RAPGEF4: variants seen among roughly 807,000 people sequenced by gnomAD.
The protein encoded by RAPGEF4 is RAP guanine-nucleotide-exchange factor (GEF) 4.
In RAPGEF4, 66 loss-of-function variants were observed where a neutral mutation model predicts 147.9. The ratio of observed to expected loss-of-function variants is 0.45; its 90% CI spans 0.37 to 0.55. The LOEUF is 0.55. RAPGEF4 is among the 20% of genes least tolerant of loss of function. RAPGEF4 has a pLI of 0.00. For synonymous variants in RAPGEF4, 419 were observed against 442.7 expected, an observed-to-expected ratio of 0.95 and a Z score of 0.67; for missense variants, 1,071 against 1,257.3, an observed-to-expected ratio of 0.85 and a Z score of 2.24.
In RAPGEF4 at chr2:172,968,334, T is replaced by C. The variant is rs148695226; in HGVS notation, c.1004+890T>C. On this transcript the variant is annotated intron_variant, in intron 10 of 30. Coordinates refer to ENST00000397081, the MANE Select transcript of RAPGEF4 (RefSeq NM_007023.4). Reference sequence around the variant, plus strand: ...TTGGCCGACCTTGGTGTATTAGTCTTGTATTAGACAAGGGCATTACATGTT... The same window carrying C: ...TTGGCCGACCTTGGTGTATTAGTCTCGTATTAGACAAGGGCATTACATGTT... Among the ~76,000 whole-genome samples, 6 of 152,254 alleles carry C rather than the reference T, an allele frequency of 3.9e-5. No individual in the cohort carries two copies. The East Asian group carries it at 7.7e-4, about 20-fold the overall frequency.
At chr2:172,870,779 C>T (rs1695156703) in intron 4 of RAPGEF4, among the ~76,000 whole-genome samples, 1 of 152,086 alleles carries the variant, frequency 6.6e-6, no homozygotes, top group African/African-American at 2.4e-5. Context: ...TTTTTCCTAT[C>T]TATAAATTGA....
intron 16 of RAPGEF4, among the ~76,000 whole-genome samples, chr2:172,996,875 C>G (rs965205993): frequency 6.6e-6 from 1 of 152,176 alleles, no homozygotes; most frequent in African/African-American, 2.4e-5. Context: ...TACATCCTAC[C>G]TATTCCCACG....
chr2:172,974,802 G>A (rs1432763075), intron 10 of RAPGEF4, among the ~76,000 whole-genome samples: 2 of 152,116 alleles, frequency 1.3e-5, no homozygotes, highest in African/African-American at 4.8e-5. Context: ...AGATTCCCAG[G>A]CGTGCTGCTA....
At chr2:172,938,595 G>C (rs1430895389) in intron 6 of RAPGEF4, among the ~76,000 whole-genome samples, 2 of 152,074 alleles carry the variant, frequency 1.3e-5, no homozygotes, top group African/African-American at 4.8e-5. Context: ...CACTCCCTTC[G>C]TTGAAGTTAT....
At chr2:172,901,000 G>A (rs1699006426) in intron 4 of RAPGEF4, among the ~76,000 whole-genome samples, 1 of 151,786 alleles carries the variant, frequency 6.6e-6, no homozygotes, top group African/African-American at 2.4e-5. Context: ...CTTTTGCCAA[G>A]TTTACAGAAA....
At chr2:172,945,670 T>G (rs1026704217) in intron 6 of RAPGEF4, among the ~76,000 whole-genome samples, 1 of 152,178 alleles carries the variant, frequency 6.6e-6, no homozygotes, top group Admixed American at 6.5e-5. Context: ...AACTGGGAGT[T>G]ACTATGCTAT....
At chr2:172,945,822 C>T (rs1019851369) in intron 6 of RAPGEF4, among the ~76,000 whole-genome samples, 4 of 152,130 alleles carry the variant, frequency 2.6e-5, no homozygotes, top group African/African-American at 9.7e-5. Flanking sequence ...AAGACACTGG[C>T]TATGTTCAAG....
chr2:172,775,121 A>G (rs549899166), intron 1 of RAPGEF4, among the ~76,000 whole-genome samples: 1 of 152,292 alleles, frequency 6.6e-6, no homozygotes, highest in African/African-American at 2.4e-5. Context: ...CCAGAGCTAT[A>G]TCTTTGGCAT....
At chr2:172,856,405 A>G (rs2149756601) in intron 4 of RAPGEF4, among the ~76,000 whole-genome samples, 1 of 152,246 alleles carries the variant, frequency 6.6e-6, no homozygotes, top group African/African-American at 2.4e-5. Context: ...TAATATCTGA[A>G]TTATCTCAGA....
chr2:173,048,553 T>G, intron 29 of RAPGEF4, 47 bp from the exon 30 acceptor site: 1 of 1,613,274 alleles, frequency 6.2e-7, no homozygotes, highest in East Asian at 2.2e-5. Context: ...GATTGTACTC[T>G]ACGCTTACTT....
intron 10 of RAPGEF4, among the ~76,000 whole-genome samples, chr2:172,980,865 G>T (rs1691606394): frequency 6.6e-6 from 1 of 152,090 alleles, no homozygotes; most frequent in South Asian, 2.1e-4. Context: ...TGCCCAGGCT[G>T]GTCTCAAACT....
At chr2:172,845,994 T>C (rs1219225116) in intron 4 of RAPGEF4, among the ~76,000 whole-genome samples, 1 of 152,210 alleles carries the variant, frequency 6.6e-6, no homozygotes, top group African/African-American at 2.4e-5. Flanking sequence ...CTCCTGTCTT[T>C]GTTGTTTTCA....
intron 4 of RAPGEF4, among the ~76,000 whole-genome samples, chr2:172,830,192 T>A (rs576742937): frequency 6.6e-6 from 1 of 152,274 alleles, no homozygotes; most frequent in East Asian, 1.9e-4. Context: ...GAATTTGTGA[T>A]GGTGAGAGTG....
At chr2:172,877,916 C>T (rs1696154155) in intron 4 of RAPGEF4, among the ~76,000 whole-genome samples, 1 of 152,156 alleles carries the variant, frequency 6.6e-6, no homozygotes, top group Non-Finnish European at 1.5e-5. Context: ...TGAATAGATC[C>T]TCAGTATGTT....
At chr2:172,762,598 T>A (rs773653192) in intron 1 of RAPGEF4, among the ~76,000 whole-genome samples, 9 of 152,190 alleles carry the variant, frequency 5.9e-5, no homozygotes, top group Non-Finnish European at 1.3e-4. Context: ...TTGTCCCCAG[T>A]TAGAGGCAGG....
intron 1 of RAPGEF4, among the ~76,000 whole-genome samples, chr2:172,759,078 C>G (rs1261814505): frequency 1.3e-5 from 2 of 152,120 alleles, no homozygotes; most frequent in Non-Finnish European, 2.9e-5. Flanking sequence ...AATATTCAGA[C>G]AGATTGTGTC....
At chr2:172,736,125 C>A in intron 1 of RAPGEF4, 77 bp downstream of exon 1, 2 of 1,187,560 alleles carry the variant, frequency 1.7e-6, no homozygotes, top group Non-Finnish European at 2.2e-6. Flanking sequence ...CAGCTCCGCA[C>A]CTGGGCGCAG....
chr2:172,937,018 A>C (rs1686644765), intron 6 of RAPGEF4, among the ~76,000 whole-genome samples: 1 of 124,312 alleles, frequency 8.0e-6, no homozygotes, highest in Admixed American at 1.0e-4. Context: ...TGGGCAACAC[A>C]GTGAGACTCC....
At chr2:172,769,140 G>A (rs1317507471) in intron 1 of RAPGEF4, among the ~76,000 whole-genome samples, 1 of 152,136 alleles carries the variant, frequency 6.6e-6, no homozygotes, top group East Asian at 1.9e-4. Context: ...TCTTAAGGAG[G>A]TTCTAAATCA....
Sources: gnomAD v4.1 joint callset for allele counts (sites outside exome capture counted in the v4.1 genomes callset) on GRCh38, gnomAD v4.1.1 for gene constraint, MANE v1.5 for transcripts, NCBI Gene and HGNC (gene_info 2026-07-23, HGNC 2026-07-21) for gene names.